Variants in CDK14 observed in about 807,000 individuals in gnomAD.
CDK14 encodes cyclin-dependent kinase 14.
Under a neutral mutation model 60.7 loss-of-function variants are expected in CDK14, and 34 were observed. The ratio of observed to expected loss-of-function variants is 0.56; its 90% confidence interval spans 0.43 to 0.75. The LOEUF (loss-of-function observed/expected upper bound fraction) is 0.75, where lower values mean the gene tolerates loss of function less well. Among genes scored for constraint, CDK14 ranks in the 30% least tolerant of loss-of-function variants. CDK14 has a pLI of 0.00. For missense variants in CDK14, 482 were observed against 564.1 expected (o/e 0.85, Z 1.47); for synonymous variants, 197 against 203.7 (o/e 0.97, Z 0.28).
At chr7:90,601,928 A>ATGTG (rs1242065982) in intron 1 of CDK14, among the ~76,000 whole-genome samples, 2 of 86,178 alleles carry the variant, frequency 2.3e-5, no homozygotes, top group Non-Finnish European at 4.8e-5. Flanking sequence ...AATTTTATGT[A>ATGTG]TGTATGTATG....
intron 3 of CDK14, among the ~76,000 whole-genome samples, chr7:90,732,531 C>G (rs1355980818): frequency 6.6e-6 from 1 of 152,094 alleles, no homozygotes; most frequent in Non-Finnish European, 1.5e-5. Flanking sequence ...TGTTACTGGT[C>G]TATTCAGGGA....
At chr7:90,913,037 C>G (rs1792958452) in intron 7 of CDK14, among the ~76,000 whole-genome samples, 1 of 152,178 alleles carries the variant, frequency 6.6e-6, no homozygotes, top group Non-Finnish European at 1.5e-5. Context: ...ATTAGCAAAG[C>G]TGATTCTTAT....
chr7:91,068,923 T>C (rs903022834), intron 11 of CDK14, among the ~76,000 whole-genome samples: 4 of 151,358 alleles, frequency 2.6e-5, no homozygotes, highest in African/African-American at 9.7e-5. Context: ...CTATGTCATA[T>C]GCAGCTATCC....
chr7:90,908,395 T>C (rs1445789734), intron 7 of CDK14, among the ~76,000 whole-genome samples: 1 of 152,142 alleles, frequency 6.6e-6, no homozygotes, highest in Non-Finnish European at 1.5e-5. Context: ...GTACACTCTT[T>C]CCTAGAGATC....
intron 2 of CDK14, among the ~76,000 whole-genome samples, chr7:90,606,334 A>T (rs1858922): frequency 1.3e-5 from 2 of 151,956 alleles, no homozygotes; most frequent in Non-Finnish European, 2.9e-5. Context: ...TCCTTTGTAA[A>T]ATAGAGATAA....
intron 9 of CDK14, chr7:90,979,638 G>A (rs1795176534): frequency 6.6e-6 from 1 of 152,164 alleles, no homozygotes; most frequent in African/African-American, 2.4e-5. Context: ...GAGAAGTGAA[G>A]CAGAGAAAAA....
intron 2 of CDK14, among the ~76,000 whole-genome samples, chr7:90,651,232 G>T (rs1800632057): frequency 2.0e-5 from 3 of 152,140 alleles, no homozygotes; most frequent in Non-Finnish European, 4.4e-5. Context: ...GTGAATGGGA[G>T]TTCACTCATG....
At chr7:91,005,127 C>T (rs1188330475) in intron 10 of CDK14, among the ~76,000 whole-genome samples, 1 of 152,186 alleles carries the variant, frequency 6.6e-6, no homozygotes, top group Non-Finnish European at 1.5e-5. Context: ...AGCATTAGCT[C>T]ACTGGTGGCT....
intron 11 of CDK14, among the ~76,000 whole-genome samples, chr7:91,068,037 A>G (rs1489518222): frequency 6.6e-6 from 1 of 152,190 alleles, no homozygotes; most frequent in Non-Finnish European, 1.5e-5. Flanking sequence ...CTTTCTTAAT[A>G]CCAAACTTTA....
chr7:91,199,099 C>T (rs1471062177), intron 14 of CDK14, among the ~76,000 whole-genome samples: 4 of 152,068 alleles, frequency 2.6e-5, no homozygotes, highest in Admixed American at 2.6e-4. Context: ...ATTTAATTAA[C>T]TTATAAACAC....
chr7:90,726,442 A>C, intron 2 of CDK14, 125 bp from the exon 3 acceptor site: 1 of 1,254,900 alleles, frequency 8.0e-7, no homozygotes, highest in Non-Finnish European at 1.1e-6. Context: ...CAGCTTTTAG[A>C]ATGTGGGCTT....
chr7:90,841,986 A>G (rs770055560), intron 5 of CDK14, among the ~76,000 whole-genome samples: 56 of 152,118 alleles, frequency 3.7e-4, no homozygotes, highest in Non-Finnish European at 6.9e-4. Flanking sequence ...TTTTTTTAAA[A>G]AATAATCATA....
At chr7:90,717,601 C>T (rs146103463) in intron 2 of CDK14, among the ~76,000 whole-genome samples, 61 of 152,118 alleles carry the variant, frequency 4.0e-4, no homozygotes, top group Middle Eastern at 3.4e-3. Flanking sequence ...AAAACTAAAT[C>T]GCAATGTTAG....
At chr7:90,972,803 A>G (rs985015707) in intron 9 of CDK14, among the ~76,000 whole-genome samples, 7 of 152,226 alleles carry the variant, frequency 4.6e-5, no homozygotes, top group African/African-American at 1.4e-4. Context: ...TCCATTCAAA[A>G]CAGAATTACC....
intron 14 of CDK14, among the ~76,000 whole-genome samples, chr7:91,178,514 G>A (rs1801862602): frequency 6.7e-6 from 1 of 150,138 alleles, no homozygotes. Context: ...TACCATCAGA[G>A]TGAACAGGCA....
chr7:91,087,534 A>G (rs939130279), intron 12 of CDK14, among the ~76,000 whole-genome samples: 5 of 152,206 alleles, frequency 3.3e-5, no homozygotes, highest in African/African-American at 7.2e-5. Context: ...TTCAATTTGT[A>G]TAACCTCTTG....
chr7:91,179,871 C>T (rs1015785817), intron 14 of CDK14, among the ~76,000 whole-genome samples: 2 of 151,458 alleles, frequency 1.3e-5, no homozygotes, highest in Admixed American at 6.6e-5. Flanking sequence ...TTAATTTGAT[C>T]ATTCATGTAC....
intron 14 of CDK14, among the ~76,000 whole-genome samples, chr7:91,152,952 T>C (rs1024805856): frequency 2.6e-5 from 4 of 152,178 alleles, no homozygotes; most frequent in Non-Finnish European, 5.9e-5. Flanking sequence ...CCAAATAGTT[T>C]ATAGTATAAA....
intron 14 of CDK14, among the ~76,000 whole-genome samples, chr7:91,136,166 C>G (rs568180824): frequency 6.6e-6 from 1 of 152,272 alleles, no homozygotes; most frequent in South Asian, 2.1e-4. Flanking sequence ...CCCGACCAGC[C>G]TTGTCTTTTA....
Sources: gnomAD v4.1 joint callset for allele counts (sites outside exome capture counted in the v4.1 genomes callset) on GRCh38, gnomAD v4.1.1 for gene constraint, MANE v1.5 for transcripts, NCBI Gene and HGNC (gene_info 2026-07-23, HGNC 2026-07-21) for gene names.